ELOVL7: variants seen among roughly 807,000 people sequenced by gnomAD.
ELOVL7 encodes the protein ELOVL fatty acid elongase 7.
Under a neutral mutation model 35.7 loss-of-function variants are expected in ELOVL7, and 27 were observed. The observed-to-expected ratio is 0.76, with a 90% CI of 0.56 to 1.04. ELOVL7 has a LOEUF of 1.04. ELOVL7 is among the 50% of genes least tolerant of loss of function. The probability of loss-of-function intolerance (pLI) is 0.00; values close to 1 mark genes in which losing one functional copy is unlikely to be tolerated. For synonymous variants in ELOVL7, 113 were observed against 114.6 expected (o/e 0.99, Z 0.09); for missense variants, 327 against 340.8 (o/e 0.96, Z 0.32).
intron 4 of ELOVL7, among the ~76,000 whole-genome samples, chr5:60,771,409 A>G (rs530311277): frequency 6.6e-6 from 1 of 152,330 alleles, no homozygotes; most frequent in East Asian, 1.9e-4. Flanking sequence ...ATATGAGTCT[A>G]TGCTCTCTGT....
chr5:60,836,864 T>A (rs1746827222), intron 1 of ELOVL7, among the ~76,000 whole-genome samples: 1 of 151,962 alleles, frequency 6.6e-6, no homozygotes, highest in Admixed American at 6.5e-5. Flanking sequence ...TAAATTGGGT[T>A]TATTTTTATG....
rs775470175 is a variant in ELOVL7, at chr5:60,772,007, A to G, written c.151T>C (p.Leu51=). 2.5e-6 allele frequency: 4 copies of G among 1,613,712 alleles called. No individual in the cohort carries two copies. The South Asian group carries it at 4.4e-5, about 18-fold the overall frequency. ...CGATTTTCCATGAGCTTTGGTCCCA[A>G]GGAAGTGACAAAATAGACATAGAAT... is the stretch of plus-strand genomic sequence containing the variant. ...LGFYVYFVTS[L]GPKLMENRKP... is the part of the protein sequence containing the mutation. Residue 51 remains leucine, a synonymous_variant, in exon 4 of 9, where the codon TTG becomes CTG. Coordinates refer to ENST00000508821, the MANE Select transcript of ELOVL7 (RefSeq NM_024930.3).
At chr5:60,764,854 G>C (rs1019394441) in intron 6 of ELOVL7, among the ~76,000 whole-genome samples, 2 of 151,454 alleles carry the variant, frequency 1.3e-5, no homozygotes, top group Non-Finnish European at 2.9e-5. Flanking sequence ...GAAATATGAG[G>C]GAAAAGAAAG....
At chr5:60,817,221 A>T (rs1745564279) in intron 1 of ELOVL7, among the ~76,000 whole-genome samples, 1 of 151,924 alleles carries the variant, frequency 6.6e-6, no homozygotes, top group African/African-American at 2.4e-5. Context: ...CTAATATATA[A>T]AGGCTTTCAA....
intron 1 of ELOVL7, among the ~76,000 whole-genome samples, chr5:60,811,828 T>C (rs1451635941): frequency 6.6e-6 from 1 of 152,194 alleles, no homozygotes; most frequent in African/African-American, 2.4e-5. Context: ...TTCTTATACA[T>C]GACCCATTCT....
chr5:60,791,956 C>T (rs1160935602), intron 2 of ELOVL7, among the ~76,000 whole-genome samples: 2 of 152,088 alleles, frequency 1.3e-5, no homozygotes, highest in Admixed American at 6.6e-5. Context: ...TTTTCCCCTC[C>T]CCAGTCCTCA....
rs539417313 is a variant in ELOVL7, at chr5:60,821,293, T to C, written c.-85-22063A>G. ...AGCAAAACTGTCCCTGCTGGACTTC[T>C]AACCCCAATTCCTAGGCAGGGTCTG... On this transcript the variant is annotated intron_variant, in intron 1 of 8. Coordinates refer to ENST00000508821, the MANE Select transcript of ELOVL7 (RefSeq NM_024930.3). Among the ~76,000 whole-genome samples, 3 of 152,346 alleles carry C rather than the reference T, an allele frequency of 2.0e-5. No homozygotes were observed. In the South Asian group the frequency reaches 6.2e-4, roughly 32 times the overall value.
chr5:60,815,146 T>A (rs1038643406), intron 1 of ELOVL7, among the ~76,000 whole-genome samples: 28 of 152,250 alleles, frequency 1.8e-4, no homozygotes, highest in African/African-American at 6.8e-4. Flanking sequence ...TCGGTCCACA[T>A]TACTTTCTGT....
intron 2 of ELOVL7, among the ~76,000 whole-genome samples, chr5:60,794,806 C>T (rs1036886819): frequency 5.9e-5 from 9 of 152,154 alleles, no homozygotes; most frequent in African/African-American, 2.2e-4. Context: ...TGGCTAGCCA[C>T]AGATGCTGCT....
chr5:60,821,904 A>C (rs2112355482), intron 1 of ELOVL7, among the ~76,000 whole-genome samples: 1 of 152,374 alleles, frequency 6.6e-6, no homozygotes, highest in South Asian at 2.1e-4. Flanking sequence ...ACTATGTGCA[A>C]TAGGACCATT....
intron 1 of ELOVL7, among the ~76,000 whole-genome samples, chr5:60,802,887 G>T (rs1744725491): frequency 6.6e-6 from 1 of 152,154 alleles, no homozygotes; most frequent in Admixed American, 6.5e-5. Context: ...AAGGGGATGT[G>T]TTTTCTCATA....
chr5:60,755,987 T>C (rs921789236), intron 8 of ELOVL7, among the ~76,000 whole-genome samples: 14 of 152,214 alleles, frequency 9.2e-5, no homozygotes, highest in African/African-American at 3.1e-4. Context: ...CATCATCAAC[T>C]TTCCTTGCAT....
chr5:60,803,442 C>A (rs1192024995), intron 1 of ELOVL7, among the ~76,000 whole-genome samples: 1 of 152,182 alleles, frequency 6.6e-6, no homozygotes, highest in Non-Finnish European at 1.5e-5. Context: ...CTGATAGGTG[C>A]TCAGGATAAA....
At chr5:60,835,209 G>T (rs201571779) in intron 1 of ELOVL7, among the ~76,000 whole-genome samples, 2 of 128,884 alleles carry the variant, frequency 1.6e-5, no homozygotes, top group African/African-American at 5.9e-5. Context: ...AAAAAAAAAA[G>T]ACAGAGTAGT....
At chr5:60,765,230 G>A (rs142132558) in intron 6 of ELOVL7, among the ~76,000 whole-genome samples, 75 of 152,306 alleles carry the variant, frequency 4.9e-4, no homozygotes, top group African/African-American at 1.8e-3. Context: ...GAAGAAGGCT[G>A]AGTGGTGCAA....
chr5:60,808,461 T>C (rs1231529757), intron 1 of ELOVL7, among the ~76,000 whole-genome samples: 9 of 152,074 alleles, frequency 5.9e-5, no homozygotes, highest in African/African-American at 2.2e-4. Flanking sequence ...AAAAATCAAA[T>C]TAAAGAAATC....
chr5:60,772,066 A>G lies in ELOVL7; in HGVS notation c.92T>C (p.Met31Thr), dbSNP rs1345404204. Residue 31 changes from methionine to threonine, a missense_variant, in exon 4 of 9, where the codon ATG becomes ACG. Coordinates refer to ENST00000508821, the MANE Select transcript of ELOVL7 (RefSeq NM_024930.3). The part of the protein sequence containing the change: ...ADPRVEDWLL[M>T]SSPLPQTILL... ...GATGGTTTGTGGCAGAGGCGAGGACATGAGGAGCCAATCTTCAACTCTTGG... is the reference window on the plus strand; with the variant it reads ...GATGGTTTGTGGCAGAGGCGAGGACGTGAGGAGCCAATCTTCAACTCTTGG... The G allele has an allele frequency of 1.9e-6, 3 of 1,610,742 alleles. No homozygotes were observed. The highest frequency in any genetic ancestry group is 1.3e-5 in the African/African-American group (1 of 74,748).
At chr5:60,757,055 T>C (rs1323322091) in intron 8 of ELOVL7, among the ~76,000 whole-genome samples, 7 of 152,120 alleles carry the variant, frequency 4.6e-5, no homozygotes, top group African/African-American at 1.7e-4. Context: ...ACGTTTTTAA[T>C]TCTCACAGTG....
rs78619259 is a variant in ELOVL7 at position 60,763,230 on chromosome 5, G to A, written c.499+997C>T. On this transcript the variant is annotated intron_variant, in intron 7 of 8. Transcript: ENST00000508821. ...ATGCCCATAAGCCATGGTAGCGACA[G>A]CTGTTTACTCATGATTCACAGCCCC... Among the ~76,000 whole-genome samples the A allele has an allele frequency of 6.7e-3, 1,024 of 152,318 alleles. 9 individuals are homozygous for A. The highest frequency in any genetic ancestry group is 0.023 in the African/African-American group (973 of 41,568).
Sources: allele counts gnomAD v4.1 joint callset (sites outside exome capture counted in the v4.1 genomes callset), GRCh38; gene constraint gnomAD v4.1.1; transcripts MANE v1.5; gene names NCBI Gene and HGNC (gene_info 2026-07-23, HGNC 2026-07-21).